The following ABR variants were observed in gnomAD, a reference collection of about 807,000 sequenced individuals.
The protein encoded by ABR is ABR activator of RhoGEF and GTPase, also known as active breakpoint cluster region-related protein.
A neutral mutation model predicts 107.2 loss-of-function variants in ABR; 35 were observed. The ratio of observed to expected loss-of-function variants is 0.33; its 90% CI spans 0.25 to 0.43. The LOEUF is 0.43. Among genes scored for constraint, ABR ranks in the 20% least tolerant of loss-of-function variants. The pLI is 1.00. For missense variants in ABR, 815 were observed against 1,115.2 expected (o/e 0.73, Z 3.83); for synonymous variants, 498 against 462.0 (o/e 1.08, Z -1.00).
chr17:1,218,417 CTTATT>C (rs942337130), intron 1 of ABR, among the ~76,000 whole-genome samples: 4 of 152,190 alleles, frequency 2.6e-5, no homozygotes, highest in African/African-American at 9.6e-5. Flanking sequence ...GTCCAGTCAC[CTTATT>C]TTAAAGTGAA....
chr17:1,173,707 T>C (rs1057311573), intron 1 of ABR, among the ~76,000 whole-genome samples: 2 of 152,026 alleles, frequency 1.3e-5, no homozygotes, highest in African/African-American at 4.8e-5. Context: ...GTTTTCTTTT[T>C]CCCACCCGTA....
intron 1 of ABR, among the ~76,000 whole-genome samples, chr17:1,178,853 G>A (rs2042012432): frequency 6.6e-6 from 1 of 151,532 alleles, no homozygotes; most frequent in Admixed American, 6.6e-5. Context: ...AGCAAGGTGC[G>A]GTGGTGGGGG....
At chr17:1,067,868 C>T (rs924625127) in intron 9 of ABR, among the ~76,000 whole-genome samples, 1 of 152,182 alleles carries the variant, frequency 6.6e-6, no homozygotes. Context: ...GCCATCTCTG[C>T]CTCAGAACTA....
intron 16 of ABR, among the ~76,000 whole-genome samples, chr17:1,049,149 A>C (rs2032129503): frequency 6.6e-6 from 1 of 152,164 alleles, no homozygotes; most frequent in African/African-American, 2.4e-5. Flanking sequence ...ATAGGGAGCC[A>C]AAAGCACAGT....
chr17:1,176,227 A>T (rs982292839), intron 1 of ABR, among the ~76,000 whole-genome samples: 1 of 152,174 alleles, frequency 6.6e-6, no homozygotes, highest in Non-Finnish European at 1.5e-5. Flanking sequence ...CCCAGCCCCC[A>T]GGTCCTGCAA....
Position 1,050,599 on chromosome 17 carries a change from A to G in ABR, c.1597T>C (p.Tyr533His). The G allele has an allele frequency of 1.2e-6, 2 of 1,613,986 alleles. No individual in the cohort carries two copies. The highest frequency in any genetic ancestry group is 8.5e-7 in the Non-Finnish European group (1 of 1,179,980). Residue 533 changes from tyrosine (Y) to histidine (H), a missense_variant, in exon 15 of 23, where the codon TAT (tyrosine) becomes CAT (histidine). By Grantham distance (83) the Tyr-to-His change is moderately conservative. Transcript: ENST00000302538. The surrounding 1 kb of genome is among the most constrained non-coding windows in gnomAD (Gnocchi z 4.6). Reference protein sequence around the residue: ...YCTLEVDSFGYFVSKAKTRVF... With the variant: ...YCTLEVDSFGHFVSKAKTRVF... ...CTGGTTTTGGCTTTGCTGACAAAAT[A>G]GCCGAAGGAATCCACCTCCAGGGTA...
In ABR at chr17:1,051,989, G is replaced by A. The variant is rs1184039633; in HGVS notation, c.1562-1355C>T. On this transcript the variant is annotated intron_variant, in intron 14 of 22. Transcript: ENST00000302538. This position sits in a 1 kb window ranked among gnomAD's most constrained non-coding sequence, Gnocchi z 4.3. ...CTCGGGAGGCTGAGGCAGGACAATC[G>A]CTTGAACCTGGGGTGTGGAAGTTGC... is the stretch of plus-strand genomic sequence containing the variant. Among the ~76,000 whole-genome samples, 3 of 152,028 alleles carry A rather than the reference G, an allele frequency of 2.0e-5. No individual in the cohort carries two copies. Among genetic ancestry groups the A allele is most frequent in the East Asian group, 1.9e-4 (1 of 5,170 alleles).
In ABR at chr17:1,084,807, C is replaced by CTGTTTT. The variant is rs1303202699; in HGVS notation, c.532-1186_532-1181dup. The stretch of plus-strand genomic sequence containing the variant: ...AAGCATATGGGGAAATTTAAACTCC[C>CTGTTTT]TGTTTTTGTTTTTGTTTTGAGATGG... On this transcript the variant is annotated intron_variant, in intron 4 of 22. Coordinates refer to ENST00000302538, the MANE Select transcript of ABR (RefSeq NM_021962.5). The surrounding 1 kb of genome is among the most constrained non-coding windows in gnomAD (Gnocchi z 4.2). Among the ~76,000 whole-genome samples the CTGTTTT allele has an allele frequency of 1.3e-5, 2 of 152,102 alleles. No individual in the cohort carries two copies. The highest frequency in any genetic ancestry group is 1.9e-4 in the East Asian group (1 of 5,196).
intron 10 of ABR, among the ~76,000 whole-genome samples, chr17:1,060,774 T>C (rs922295592): frequency 5.9e-4 from 90 of 151,972 alleles, no homozygotes; most frequent in African/African-American, 2.1e-3. Context: ...GGGTGGATCA[T>C]GAGGTCAGGA....
intron 2 of ABR, among the ~76,000 whole-genome samples, chr17:1,111,334 G>GTA (rs1368707449): frequency 1.3e-5 from 2 of 152,150 alleles, no homozygotes; most frequent in African/African-American, 4.8e-5. Context: ...GTCCCCGGTG[G>GTA]CTGGAAATTC....
Position 1,179,653 on chromosome 17 carries a change from C to A in ABR, c.61+14G>T, listed in dbSNP as rs79337212. On this transcript the variant is annotated intron_variant, in intron 1 of 22. Coordinates refer to ENST00000302538, the MANE Select transcript of ABR (RefSeq NM_021962.5). The surrounding 1 kb of genome is among the most constrained non-coding windows in gnomAD (Gnocchi z 4.9). Reference sequence around the variant, plus strand: ...TCCCGATCCTGGGGTCCCGCCCCCGCCCGGCACACGTACTGCTGTAGAGGG... The same window carrying A: ...TCCCGATCCTGGGGTCCCGCCCCCGACCGGCACACGTACTGCTGTAGAGGG... 5.0e-3 allele frequency: 7,642 copies of A among 1,529,678 alleles called. 348 individuals carry two copies. The African/African-American group carries it at 0.097, about 19-fold the overall frequency. 94.8% of individuals were successfully genotyped at this position (1,529,678 alleles called of 1,614,324 possible). A position where few individuals can be genotyped will look rare whatever the true frequency, so the allele number is the denominator to read the frequency against.
At chr17:1,181,259 G>C (rs2042124751), upstream of ABR, among the ~76,000 whole-genome samples, 1 of 152,202 alleles carries the variant, frequency 6.6e-6, no homozygotes, top group South Asian at 2.1e-4. Context: ...CCAGGATGCT[G>C]AGAGGAAGCC....
At chr17:1,162,733 T>C (rs2041353448) in intron 1 of ABR, among the ~76,000 whole-genome samples, 1 of 151,372 alleles carries the variant, frequency 6.6e-6, no homozygotes, top group African/African-American at 2.4e-5. Context: ...CCCAGCACTT[T>C]GAAAGGCTAG....
intron 1 of ABR, among the ~76,000 whole-genome samples, chr17:1,227,195 T>G (rs964735533): frequency 6.6e-6 from 1 of 152,174 alleles, no homozygotes; most frequent in Admixed American, 6.5e-5. Flanking sequence ...AGGTGCCCTA[T>G]GTGCTAGAGT....
intron 2 of ABR, among the ~76,000 whole-genome samples, chr17:1,120,120 T>C (rs1229191385): frequency 1.3e-5 from 2 of 152,082 alleles, no homozygotes; most frequent in African/African-American, 4.8e-5. Flanking sequence ...AATGTGGAGA[T>C]GGTTATAGCA....
chr17:1,056,121 A>G lies in ABR; in HGVS notation c.1487-12T>C. The G allele has an allele frequency of 1.2e-6, 2 of 1,613,462 alleles. No homozygotes were observed. The highest frequency in any genetic ancestry group is 1.7e-6 in the Non-Finnish European group (2 of 1,179,416). ...TGGAGACTCATCGTCTGCAAGAGAG[A>G]AAAGCCCCCAGGGCAGAGGGTGGTC... On this transcript the variant is annotated splice_polypyrimidine_tract_variant and intron_variant, in intron 13 of 22. Coordinates refer to ENST00000302538, the MANE Select transcript of ABR (RefSeq NM_021962.5).
chr17:1,128,354 C>T (rs1021944521), intron 1 of ABR, among the ~76,000 whole-genome samples: 1 of 152,202 alleles, frequency 6.6e-6, no homozygotes, highest in Non-Finnish European at 1.5e-5. Context: ...GGCACCAGAT[C>T]TCAAAAAAGA....
intron 2 of ABR, among the ~76,000 whole-genome samples, chr17:1,121,892 C>T (rs1322487047): frequency 6.6e-6 from 1 of 152,158 alleles, no homozygotes; most frequent in African/African-American, 2.4e-5. Flanking sequence ...TGTCTCACAG[C>T]TAAAGAGTAG....
chr17:1,147,418 T>C (rs1000990931), intron 1 of ABR, among the ~76,000 whole-genome samples: 10 of 151,680 alleles, frequency 6.6e-5, no homozygotes, highest in Non-Finnish European at 1.5e-4. Context: ...TGGAGTGCAG[T>C]GGCACAATCT....
Sources: allele counts gnomAD v4.1 joint callset (sites outside exome capture counted in the v4.1 genomes callset), GRCh38; gene constraint gnomAD v4.1.1; non-coding constraint Gnocchi (gnomAD v3.1); transcripts MANE v1.5; gene names NCBI Gene and HGNC (gene_info 2026-07-23, HGNC 2026-07-21).